Variants in SIPA1L1 observed in about 807,000 individuals in gnomAD.
SIPA1L1 encodes signal-induced proliferation-associated 1-like protein 1.
Under a neutral mutation model 162.7 loss-of-function variants are expected in SIPA1L1, and 26 were observed. The ratio of observed to expected loss-of-function variants is 0.16; its 90% confidence interval spans 0.12 to 0.22. The LOEUF is 0.22. Among genes scored for constraint, SIPA1L1 ranks in the 10% least tolerant of loss-of-function variants. SIPA1L1 has a pLI of 1.00. For missense variants in SIPA1L1, 1,874 were observed against 2,241.0 expected, an observed-to-expected ratio of 0.84 and a Z score of 3.31; for synonymous variants, 829 against 837.4, an observed-to-expected ratio of 0.99 and a Z score of 0.17.
intron 4 of SIPA1L1, among the ~76,000 whole-genome samples, chr14:71,541,632 G>A (rs537606193): frequency 7.9e-5 from 12 of 152,098 alleles, no homozygotes; most frequent in Admixed American, 5.2e-4. Context: ...AATTAGCCGG[G>A]CATGTTGGCA....
intron 2 of SIPA1L1, among the ~76,000 whole-genome samples, chr14:71,344,355 A>G (rs996820231): frequency 1.3e-5 from 2 of 152,200 alleles, no homozygotes; most frequent in African/African-American, 4.8e-5. Context: ...AGGTTATTAT[A>G]AAGATGAAAT....
At chr14:71,613,970 G>T (rs1170412188) in intron 5 of SIPA1L1, among the ~76,000 whole-genome samples, 5 of 152,074 alleles carry the variant, frequency 3.3e-5, no homozygotes, top group African/African-American at 1.2e-4. Flanking sequence ...GGGAAGCTGA[G>T]GTGGGAAGAT....
intron 4 of SIPA1L1, chr14:71,574,208 C>T: frequency 5.9e-6 from 1 of 168,782 alleles, no homozygotes; most frequent in Non-Finnish European, 1.3e-5. Context: ...TGAAAGAGAA[C>T]ATACCCCAGT....
At chr14:71,389,529 C>G (rs1449584404) in intron 2 of SIPA1L1, among the ~76,000 whole-genome samples, 2 of 152,124 alleles carry the variant, frequency 1.3e-5, no homozygotes, top group Non-Finnish European at 2.9e-5. Flanking sequence ...GTTTTTTCCA[C>G]CACTATTTTT....
chr14:71,702,177 T>C, intron 14 of SIPA1L1: 9 of 525,596 alleles, frequency 1.7e-5, no homozygotes, highest in Non-Finnish European at 1.4e-5. Flanking sequence ...GCATACCTTT[T>C]TGAGCAGAGT....
At chr14:71,382,955 A>T (rs2040025329) in intron 2 of SIPA1L1, among the ~76,000 whole-genome samples, 1 of 152,062 alleles carries the variant, frequency 6.6e-6, no homozygotes, top group African/African-American at 2.4e-5. Flanking sequence ...AGAAACACTG[A>T]TTTCCCCAAT....
In SIPA1L1 at chr14:71,735,222, A is replaced by G. The variant is rs1004627609; in HGVS notation, c.5009-55A>G. Reference sequence around the variant, plus strand: ...CTAGACCACTTGTTGACTTTGATAGATAGGGCCAGGGATGTGGTTCCAAAA... The same window carrying G: ...CTAGACCACTTGTTGACTTTGATAGGTAGGGCCAGGGATGTGGTTCCAAAA... On this transcript the variant is annotated intron_variant, in intron 21 of 23. Coordinates refer to ENST00000381232, the MANE Select transcript of SIPA1L1 (RefSeq NM_001386936.1). The G allele has an allele frequency of 1.3e-5, 16 of 1,201,806 alleles. No individual in the cohort carries two copies. In the African/African-American group the frequency reaches 2.2e-4, roughly 17 times the overall value. 74.4% of individuals were successfully genotyped at this position (1,201,806 alleles called of 1,614,324 possible).
intron 2 of SIPA1L1, among the ~76,000 whole-genome samples, chr14:71,468,733 G>A (rs2047220816): frequency 6.6e-6 from 1 of 152,140 alleles, no homozygotes; most frequent in African/African-American, 2.4e-5. Flanking sequence ...TAAGTAAAAA[G>A]ATCTTAATCT....
intron 4 of SIPA1L1, chr14:71,573,409 CACTT>C (rs1012387773): frequency 2.7e-6 from 1 of 366,796 alleles, no homozygotes; most frequent in Admixed American, 3.6e-5. Context: ...TGGCCTGAAG[CACTT>C]ACATTTCAGT....
chr14:71,488,675 C>G (rs1184938335), intron 2 of SIPA1L1, among the ~76,000 whole-genome samples: 1 of 152,128 alleles, frequency 6.6e-6, no homozygotes, highest in Non-Finnish European at 1.5e-5. Context: ...AAAGAAAACT[C>G]TTTCTTCCTT....
chr14:71,723,596 G>A (rs2083947172), intron 17 of SIPA1L1, 51 bp from the exon 18 acceptor site: 2 of 1,606,054 alleles, frequency 1.2e-6, no homozygotes, highest in Admixed American at 1.7e-5. Context: ...CACTTTTATA[G>A]CTGACATAAT....
chr14:71,638,392 AATC>A (rs1197177017), intron 7 of SIPA1L1, among the ~76,000 whole-genome samples: 5 of 152,240 alleles, frequency 3.3e-5, no homozygotes, highest in African/African-American at 1.2e-4. Flanking sequence ...AGTATTGAAA[AATC>A]AATTAATGTA....
rs2043492011 is a variant in SIPA1L1, at chr14:71,661,349, A to G, written c.2137A>G (p.Ile713Val). The change falls in exon 10 of 24, where the codon ATT (isoleucine) becomes GTT (valine). Residue 713 changes from isoleucine (I) to valine (V), a missense_variant. Ile to Val is a conservative substitution (Grantham distance 29, BLOSUM62 3). Around this residue, in one of 5 missense-constraint regions of SIPA1L1, gnomAD observed 243 missense variants for 315.0 expected, o/e 0.77. Transcript: ENST00000381232. The stretch of plus-strand genomic sequence containing the variant: ...GCACATTGGAAATGATATCGTAACA[A>G]TTGTTTTCCAAGAGCCTGGAGCACA... Reference protein sequence around the residue: ...KRHIGNDIVTIVFQEPGAQPF... With the variant: ...KRHIGNDIVTVVFQEPGAQPF... 1 of 1,613,970 alleles carries G rather than the reference A, an allele frequency of 6.2e-7. No individual in the cohort carries two copies. Among genetic ancestry groups the G allele is most frequent in the Non-Finnish European group, 8.5e-7 (1 of 1,179,904 alleles).
At chr14:71,732,062 G>T (rs1178578233) in intron 20 of SIPA1L1, among the ~76,000 whole-genome samples, 3 of 152,240 alleles carry the variant, frequency 2.0e-5, no homozygotes, top group African/African-American at 7.2e-5. Context: ...ACCCTTGGTA[G>T]GAGCACATTT....
At chr14:71,591,619 G>T (rs1452632684) in intron 5 of SIPA1L1, among the ~76,000 whole-genome samples, 1 of 152,128 alleles carries the variant, frequency 6.6e-6, no homozygotes, top group Non-Finnish European at 1.5e-5. Flanking sequence ...CTCAAGCAGG[G>T]AATTGTTAAA....
At chr14:71,580,414 G>A (rs2033760234) in intron 4 of SIPA1L1, among the ~76,000 whole-genome samples, 1 of 152,166 alleles carries the variant, frequency 6.6e-6, no homozygotes. Flanking sequence ...ATTTTCCTAG[G>A]TCACTACAGT....
At chr14:71,460,164 A>G (rs2046486237) in intron 2 of SIPA1L1, among the ~76,000 whole-genome samples, 1 of 152,226 alleles carries the variant, frequency 6.6e-6, no homozygotes, top group Non-Finnish European at 1.5e-5. Context: ...TACTCATGAC[A>G]ATTACAGTCC....
chr14:71,637,649 A>G (rs1184849222), intron 7 of SIPA1L1, among the ~76,000 whole-genome samples: 1 of 152,124 alleles, frequency 6.6e-6, no homozygotes, highest in African/African-American at 2.4e-5. Flanking sequence ...AATTAAGTCC[A>G]GAAGTTGGAG....
At chr14:71,461,559 G>C (rs1361515418) in intron 2 of SIPA1L1, among the ~76,000 whole-genome samples, 3 of 152,092 alleles carry the variant, frequency 2.0e-5, no homozygotes, top group African/African-American at 7.2e-5. Context: ...CACTCAGAGG[G>C]GTCCATCCAC....
Sources: gnomAD v4.1 joint callset for allele counts (sites outside exome capture counted in the v4.1 genomes callset) on GRCh38, gnomAD v4.1.1 for gene constraint, gnomAD v4.1.1 regional missense constraint, MANE v1.5 for transcripts, NCBI Gene and HGNC (gene_info 2026-07-23, HGNC 2026-07-21) for gene names.